The following ITPR1 variants were observed in gnomAD, a reference collection of about 807,000 sequenced individuals.
The protein encoded by ITPR1 is inositol 1,4,5-trisphosphate-gated calcium channel ITPR1.
Under a neutral mutation model 318.4 loss-of-function variants are expected in ITPR1, and 96 were observed. That is an observed-to-expected ratio of 0.30 (90% CI 0.26 to 0.36). The LOEUF is 0.36. ITPR1 is among the 10% of genes least tolerant of loss of function. The pLI, the probability that ITPR1 is intolerant of heterozygous loss-of-function variation, is 1.00. For synonymous variants in ITPR1, 1,312 were observed against 1,289.9 expected (o/e 1.02, Z -0.37); for missense variants, 2,440 against 3,460.2 (o/e 0.71, Z 7.40).
In ITPR1 at chr3:4,645,396, G is replaced by A. The variant is rs774735244; in HGVS notation, c.634G>A (p.Val212Ile). ...DNPGCNEVNS[V>I]NCNTSWKIVL... The stretch of plus-strand genomic sequence containing the variant: ...CGAATCTGTGTTTCAGGTCAATTCC[G>A]TCAACTGCAATACAAGCTGGAAAAT... Residue 212 changes from valine to isoleucine, a missense_variant, in exon 9 of 62, where the codon GTC becomes ATC. Around this residue, in one of 23 missense-constraint regions of ITPR1, gnomAD observed 186 missense variants for 323.9 expected, o/e 0.57. Transcript: ENST00000649015. 7.4e-6 allele frequency: 12 copies of A among 1,610,944 alleles called. No individual in the cohort carries two copies. Among genetic ancestry groups the A allele is most frequent in the Admixed American group, 1.7e-5 (1 of 59,934 alleles).
chr3:4,686,047 T>A (rs965864688), intron 30 of ITPR1, among the ~76,000 whole-genome samples: 2 of 152,194 alleles, frequency 1.3e-5, no homozygotes, highest in African/African-American at 4.8e-5. Flanking sequence ...CTGAGGCCTT[T>A]ATACACATTA....
At chr3:4,531,257 G>T (rs2083391941) in intron 4 of ITPR1, among the ~76,000 whole-genome samples, 1 of 152,168 alleles carries the variant, frequency 6.6e-6, no homozygotes, top group Non-Finnish European at 1.5e-5. Context: ...AAGGCATGTT[G>T]CTTCGTGGGA....
intron 4 of ITPR1, among the ~76,000 whole-genome samples, chr3:4,564,768 T>G (rs1346425673): frequency 1.3e-5 from 2 of 152,156 alleles, no homozygotes; most frequent in Non-Finnish European, 2.9e-5. Context: ...GCCACTTAAT[T>G]TATGATATTT....
chr3:4,717,029 A>G (rs1038253403), intron 39 of ITPR1, among the ~76,000 whole-genome samples: 1 of 152,200 alleles, frequency 6.6e-6, no homozygotes, highest in South Asian at 2.1e-4. Flanking sequence ...TCTTCGGAAA[A>G]AAACATTGGG....
In ITPR1 at chr3:4,697,455, C is replaced by CTTTTTTTTTTTTTT. The variant is rs369934199; in HGVS notation, c.4407+184_4407+197dup. 0.056 allele frequency among the ~76,000 whole-genome samples: 4,849 copies of CTTTTTTTTTTTTTT among 86,448 alleles called. 1,115 individuals are homozygous for CTTTTTTTTTTTTTT. Among genetic ancestry groups the CTTTTTTTTTTTTTT allele is most frequent in the Non-Finnish European group, 0.087 (3,451 of 39,888 alleles). 56.7% of individuals were successfully genotyped at this position (86,448 alleles called of 152,430 possible). ...CTTTCTTCTCATGTATCCTTTCTTC[C>CTTTTTTTTTTTTTT]TTTTTTTTTTTTTTGAGCTGGAGTC... is the stretch of plus-strand genomic sequence containing the variant. On this transcript the variant is annotated intron_variant, in intron 34 of 61. Transcript: ENST00000649015.
intron 35 of ITPR1, among the ~76,000 whole-genome samples, chr3:4,702,412 C>G (rs1311381910): frequency 6.6e-6 from 1 of 152,130 alleles, no homozygotes; most frequent in Non-Finnish European, 1.5e-5. Flanking sequence ...CTGGAAGGAA[C>G]TTTGGGGTCA....
chr3:4,521,935 G>A (rs2124929286), intron 4 of ITPR1, among the ~76,000 whole-genome samples: 1 of 152,280 alleles, frequency 6.6e-6, no homozygotes, highest in East Asian at 1.9e-4. Flanking sequence ...ACCCAAATTA[G>A]TTTTTTCTTT....
At chr3:4,561,293 C>T (rs931142561) in intron 4 of ITPR1, among the ~76,000 whole-genome samples, 3 of 152,134 alleles carry the variant, frequency 2.0e-5, no homozygotes, top group African/African-American at 4.8e-5. Flanking sequence ...AGAAGGACGA[C>T]GTGGAATTTC....
chr3:4,837,646 T>G (rs1469975045), intron 61 of ITPR1, among the ~76,000 whole-genome samples: 2 of 152,034 alleles, frequency 1.3e-5, no homozygotes, highest in Non-Finnish European at 2.9e-5. Flanking sequence ...ACAGGCAGTT[T>G]CCAATTTAAA....
chr3:4,687,817 T>A (rs978293535), intron 30 of ITPR1, among the ~76,000 whole-genome samples: 1 of 152,206 alleles, frequency 6.6e-6, no homozygotes, highest in Non-Finnish European at 1.5e-5. Flanking sequence ...ATGGGAAAAC[T>A]AAGTCTGAGG....
chr3:4,649,426 G>T (rs1209916607), intron 10 of ITPR1, among the ~76,000 whole-genome samples: 1 of 152,152 alleles, frequency 6.6e-6, no homozygotes, highest in Non-Finnish European at 1.5e-5. Context: ...GTAGTAATGA[G>T]CCAGGGTTTA....
chr3:4,668,259 C>A lies in ITPR1; in HGVS notation c.1886+710C>A, dbSNP rs149465149. 5.4e-3 allele frequency among the ~76,000 whole-genome samples: 814 copies of A among 151,016 alleles called. 8 individuals are homozygous for A. The highest frequency in any genetic ancestry group is 0.041 in the Middle Eastern group (12 of 292). On this transcript the variant is annotated intron_variant, in intron 18 of 61. Transcript: ENST00000649015. Reference sequence around the variant, plus strand: ...TACCTGTTAACATCCCCACCTCCCCCCTGCCCTCCCACTATCTTTCCCAGC... The same window carrying A: ...TACCTGTTAACATCCCCACCTCCCCACTGCCCTCCCACTATCTTTCCCAGC...
chr3:4,642,396 T>G (rs112618751), intron 7 of ITPR1, 145 bp downstream of exon 7: 3 of 526,806 alleles, frequency 5.7e-6, no homozygotes, highest in South Asian at 1.5e-4. Flanking sequence ...GAAACTAGTG[T>G]TTGGGAAACA....
chr3:4,708,844 C>A (rs998826366), intron 37 of ITPR1, among the ~76,000 whole-genome samples: 1 of 152,206 alleles, frequency 6.6e-6, no homozygotes, highest in African/African-American at 2.4e-5. Flanking sequence ...AAACAGACCA[C>A]TTCTATAATT....
rs2082826800 is a variant in ITPR1, at chr3:4,524,537, G to A, written c.163+3443G>A. ...AAAAGTGAGATGCTGGCAAGCAGCC[G>A]AATGGGATGATGGAGTCTTTATCTG... On this transcript the variant is annotated intron_variant, in intron 4 of 61. Transcript: ENST00000649015. Among the ~76,000 whole-genome samples the A allele has an allele frequency of 3.3e-5, 5 of 152,210 alleles. No homozygotes were observed. In the South Asian group the frequency reaches 1.0e-3, roughly 32 times the overall value.
At chr3:4,670,700 A>G (rs1343859395) in intron 19 of ITPR1, 29 bp from the exon 20 acceptor site, 4 of 1,456,864 alleles carry the variant, frequency 2.7e-6, no homozygotes, top group Non-Finnish European at 2.8e-6. Context: ...TAAAAATAGT[A>G]ACTTTTCCCT....
intron 30 of ITPR1, among the ~76,000 whole-genome samples, chr3:4,687,504 G>C (rs982159852): frequency 1.3e-5 from 2 of 152,110 alleles, no homozygotes; most frequent in Non-Finnish European, 2.9e-5. Flanking sequence ...CAGGTTTGGT[G>C]ACCTGCATTC....
intron 60 of ITPR1, among the ~76,000 whole-genome samples, chr3:4,827,594 C>T (rs1168584350): frequency 6.6e-6 from 1 of 152,190 alleles, no homozygotes; most frequent in African/African-American, 2.4e-5. Context: ...TACAAATCCT[C>T]TCTCTTCAGG....
At chr3:4,662,363 AT>A in intron 15 of ITPR1, 121 bp downstream of exon 15, 1 of 783,652 alleles carries the variant, frequency 1.3e-6, no homozygotes, top group Non-Finnish European at 1.8e-6. Context: ...AGGCCTTAGC[AT>A]TTATGGGTGG....
Sources: gnomAD v4.1 joint callset for allele counts (sites outside exome capture counted in the v4.1 genomes callset) on GRCh38, gnomAD v4.1.1 for gene constraint, gnomAD v4.1.1 regional missense constraint, MANE v1.5 for transcripts, NCBI Gene and HGNC (gene_info 2026-07-23, HGNC 2026-07-21) for gene names.